Variants in FES observed in about 807,000 individuals in gnomAD.
The protein encoded by FES is FES proto-oncogene, tyrosine kinase.
In FES, 83 loss-of-function variants were observed where a neutral mutation model predicts 109.6. The ratio of observed to expected loss-of-function variants is 0.76; its 90% CI spans 0.63 to 0.91. The LOEUF is 0.91. Among genes scored for constraint, FES ranks in the 40% least tolerant of loss-of-function variants. The probability of loss-of-function intolerance (pLI) is 0.00; values close to 1 mark genes in which losing one functional copy is unlikely to be tolerated. For synonymous variants in FES, 458 were observed against 442.1 expected (o/e 1.04, Z -0.45); for missense variants, 943 against 1,070.9 (o/e 0.88, Z 1.67).
Position 90,892,789 on chromosome 15 carries a change from C to A in FES, c.1790C>A (p.Pro597Gln). ...VAVKSCRETL[P>Q]PDLKAKFLQE... ...GTGAAGTCTTGTCGAGAGACGCTCCCACCTGACCTCAAGGCCAAGTTTCTA... is the reference window on the plus strand; with the variant it reads ...GTGAAGTCTTGTCGAGAGACGCTCCAACCTGACCTCAAGGCCAAGTTTCTA... The change falls in exon 14 of 19, where the codon CCA becomes CAA. Residue 597 changes from proline to glutamine, a missense_variant. Transcript: ENST00000328850. 1.4e-5 allele frequency: 23 copies of A among 1,613,824 alleles called. No homozygotes were observed. The highest frequency in any genetic ancestry group is 1.9e-5 in the Non-Finnish European group (23 of 1,179,952).
At chr15:90,892,259 TC>T in intron 13 of FES, 148 bp downstream of exon 13, 1 of 823,898 alleles carries the variant, frequency 1.2e-6, no homozygotes, top group East Asian at 2.6e-5. Flanking sequence ...CCACACACCA[TC>T]CTCCAGGAAA....
chr15:90,885,644 G>A, intron 3 of FES, 59 bp downstream of exon 3: 3 of 1,568,754 alleles, frequency 1.9e-6, no homozygotes, highest in Non-Finnish European at 2.6e-6. Context: ...CCTCGAAGGG[G>A]TTGTTTTGCA....
In FES at chr15:90,891,095, G is replaced by A. The variant is rs778314889; in HGVS notation, c.1434G>A (p.Gly478=). ...AEVAELLVHS[G]DFLVRESQGK... ...TGGCTGAGCTGCTGGTGCACTCTGG[G>A]GACTTCCTGGTGCGGGAGAGCCAGG... Residue 478 remains glycine (G), a synonymous_variant, in exon 11 of 19, where the codon GGG becomes GGA. Coordinates refer to ENST00000328850, the MANE Select transcript of FES (RefSeq NM_002005.4). 3.1e-6 allele frequency: 5 copies of A among 1,591,392 alleles called. No individual in the cohort carries two copies. The South Asian group carries it at 4.6e-5, about 15-fold the overall frequency.
Position 90,890,078 on chromosome 15 carries a change from G to A in FES, c.1050-14G>A, listed in dbSNP as rs552273776. On this transcript the variant is annotated splice_polypyrimidine_tract_variant and intron_variant, in intron 8 of 18. Coordinates refer to ENST00000328850, the MANE Select transcript of FES (RefSeq NM_002005.4). ...CTTATTCTCATCCACCCTCCCACCC[G>A]CCCCTGCCTGCAGGGTGCAGCTGCT... 51 of 671,016 alleles carry A rather than the reference G, an allele frequency of 7.6e-5. No homozygotes were observed. Among genetic ancestry groups the A allele is most frequent in the Admixed American group, 4.5e-4 (20 of 44,128 alleles). The allele number at this position is 671,016 out of a possible 1,614,324, so 41.6% of individuals were successfully genotyped here. A position where few individuals can be genotyped will look rare whatever the true frequency, so the allele number is the denominator to read the frequency against.
At chr15:90,890,715 C>G (rs1567098891) in intron 10 of FES, among the ~76,000 whole-genome samples, 1 of 17,302 alleles carries the variant, frequency 5.8e-5, no homozygotes, top group Non-Finnish European at 2.3e-4. Flanking sequence ...CTCCCTGCTT[C>G]AGGAGCGGGT....
rs1427484645 is a variant in FES at position 90,889,751 on chromosome 15, G to C, written c.927-89G>C. 26 of 1,602,716 alleles carry C rather than the reference G, an allele frequency of 1.6e-5. No individual in the cohort carries two copies. The highest frequency in any genetic ancestry group is 2.1e-5 in the Non-Finnish European group (25 of 1,174,026). ...CACACAGAGCTGTCACCAGGTGGCC[G>C]GGCTTGCTTGGCTCTACAGGGATGC... On this transcript the variant is annotated intron_variant, in intron 7 of 18. Coordinates refer to ENST00000328850, the MANE Select transcript of FES (RefSeq NM_002005.4). This position sits in a 1 kb window ranked among gnomAD's most constrained non-coding sequence, Gnocchi z 6.1.
At chr15:90,894,312 C>T (rs977616957) in intron 18 of FES, among the ~76,000 whole-genome samples, 4 of 152,198 alleles carry the variant, frequency 2.6e-5, no homozygotes, top group Non-Finnish European at 2.9e-5. Flanking sequence ...AGACTGGGCA[C>T]GGTGGCTCAC....
chr15:90,890,663 C>T, intron 10 of FES, 179 bp downstream of exon 10: 1 of 651,446 alleles, frequency 1.5e-6, no homozygotes, highest in East Asian at 2.7e-5. Context: ...TCCATCGCCC[C>T]AGTGTGCTAA....
At chr15:90,893,597 A>G (rs2033440182) in intron 16 of FES, 57 bp from the exon 17 acceptor site, 2 of 1,523,488 alleles carry the variant, frequency 1.3e-6, no homozygotes, top group Non-Finnish European at 1.8e-6. Flanking sequence ...TAGAGTGTTC[A>G]GCCAGGGCTG....
Position 90,889,468 on chromosome 15 carries a change from G to A in FES, c.806+25G>A, listed in dbSNP as rs1418508155. On this transcript the variant is annotated intron_variant, in intron 6 of 18. Transcript: ENST00000328850. This position sits in a 1 kb window ranked among gnomAD's most constrained non-coding sequence, Gnocchi z 6.1. ...GGTAAGCCCCGTCCTTGCTCCTGCTGGGCCCAGGGCTGCTGGCCTGTCCAC... is the reference window on the plus strand; with the variant it reads ...GGTAAGCCCCGTCCTTGCTCCTGCTAGGCCCAGGGCTGCTGGCCTGTCCAC... 3 of 1,613,758 alleles carry A rather than the reference G, an allele frequency of 1.9e-6. No homozygotes were observed. In the Admixed American group the frequency reaches 5.0e-5, roughly 27 times the overall value.
chr15:90,892,840 A>G lies in FES; in HGVS notation c.1826+15A>G, dbSNP rs1401694328. 1.2e-6 allele frequency: 2 copies of G among 1,601,574 alleles called. No individual in the cohort carries two copies. Among genetic ancestry groups the G allele is most frequent in the East Asian group, 4.5e-5 (2 of 44,824 alleles). ...CAGGAAGCGAGGTGGGTGATAAACT[A>G]ATGATCACCACGGGTCCCGCATACA... is the stretch of plus-strand genomic sequence containing the variant. On this transcript the variant is annotated intron_variant, in intron 14 of 18. Coordinates refer to ENST00000328850, the MANE Select transcript of FES (RefSeq NM_002005.4).
At chr15:90,888,146 C>T (rs1351583325) in intron 5 of FES, among the ~76,000 whole-genome samples, 6 of 152,348 alleles carry the variant, frequency 3.9e-5, no homozygotes, top group African/African-American at 1.4e-4. Flanking sequence ...CGCTCTGCCG[C>T]CCAGGCTAGA....
In FES at chr15:90,885,435, A is replaced by G. The variant is rs937315568; in HGVS notation, c.237A>G (p.Gln79=). Residue 79 remains glutamine (Q), a synonymous_variant, in exon 3 of 19, where the codon CAA becomes CAG. Transcript: ENST00000328850. ...ISQSWAEITS[Q]TEGLSRLLRQ... is the part of the protein sequence containing the mutation. ...AGTCCTGGGCTGAGATCACCAGCCA[A>G]ACTGAGGGCCTGAGCCGCTTGCTGC... is the stretch of plus-strand genomic sequence containing the variant. 3 of 1,613,090 alleles carry G rather than the reference A, an allele frequency of 1.9e-6. No homozygotes were observed. The highest frequency in any genetic ancestry group is 2.7e-5 in the African/African-American group (2 of 75,060).
At chr15:90,890,583 G>A (rs2033120124) in intron 10 of FES, 99 bp downstream of exon 10, 2 of 1,111,064 alleles carry the variant, frequency 1.8e-6, no homozygotes, top group Non-Finnish European at 2.6e-6. Context: ...CTTGTATTGG[G>A]AAGTTCCTCT....
chr15:90,886,897 C>A, intron 3 of FES, 64 bp from the exon 4 acceptor site: 1 of 1,514,214 alleles, frequency 6.6e-7, no homozygotes. Context: ...GGGCTTCACC[C>A]CAGGCAAGAA....
rs2033226258 is a variant in FES at position 90,891,640 on chromosome 15, G to C, written c.1617G>C (p.Lys539Asn). The C allele has an allele frequency of 6.2e-7, 1 of 1,613,832 alleles. No homozygotes were observed. Among genetic ancestry groups the C allele is most frequent in the African/African-American group, 1.3e-5 (1 of 74,952 alleles). The change falls in exon 12 of 19, where the codon AAG (lysine) becomes AAC (asparagine). Residue 539 changes from lysine (K) to asparagine (N), a missense_variant. Physicochemically the swap from Lys to Asn is moderately conservative, Grantham distance 94. Transcript: ENST00000328850. ...TGAGCACCCAGCAGCCCCTCACCAA[G>C]AAGAGTGGTGTTGTCCTGCACAGGG... ...HLLSTQQPLT[K>N]KSGVVLHRAV...
At chr15:90,886,001 C>T (rs1596091025) in intron 3 of FES, among the ~76,000 whole-genome samples, 4 of 152,208 alleles carry the variant, frequency 2.6e-5, no homozygotes, top group Admixed American at 6.5e-5. Flanking sequence ...CCCCGAAGGT[C>T]GAGGATTCGG....
At chr15:90,886,860 T>C (rs1812180990) in intron 3 of FES, 101 bp from the exon 4 acceptor site, 2 of 1,053,624 alleles carry the variant, frequency 1.9e-6, no homozygotes. Context: ...CTCCAGGTGC[T>C]CCTTGCCTGA....
intron 2 of FES, 21 bp from the exon 3 acceptor site, chr15:90,885,391 T>A: frequency 6.2e-7 from 1 of 1,601,588 alleles, no homozygotes; most frequent in Non-Finnish European, 8.5e-7. Flanking sequence ...CCTCCCTGCC[T>A]CCCCCATCTG....
Sources: allele counts gnomAD v4.1 joint callset (sites outside exome capture counted in the v4.1 genomes callset), GRCh38; gene constraint gnomAD v4.1.1; non-coding constraint Gnocchi (gnomAD v3.1); transcripts MANE v1.5; gene names NCBI Gene and HGNC (gene_info 2026-07-23, HGNC 2026-07-21).